Variants in TMEM67 observed in about 807,000 individuals in gnomAD.
TMEM67 encodes meckelin.
Under a neutral mutation model 136.6 loss-of-function variants are expected in TMEM67, and 124 were observed. That is an observed-to-expected ratio of 0.91 (90% CI 0.78 to 1.05). TMEM67 has a LOEUF of 1.05. Ranked by LOEUF, TMEM67 falls within the 50% of genes least tolerant of loss-of-function variation. The pLI is 0.00. For synonymous variants in TMEM67, 364 were observed against 390.5 expected (o/e 0.93, Z 0.80); for missense variants, 1,107 against 1,178.4 (o/e 0.94, Z 0.89).
Position 93,772,618 on chromosome 8 carries a change from A to G in TMEM67, c.681A>G (p.Ala227=), listed in dbSNP as rs1469429504. The change falls in exon 7 of 28, where the codon GCA becomes GCG. Residue 227 remains alanine (A), a synonymous_variant. Transcript: ENST00000453321. ...VGMSLTSEWF[A]KYLQSSAAAC... ...TGTCTTTAACTTCAGAATGGTTTGC[A>G]AAGTATTTGCAATCATCAGCAGCTG... The G allele has an allele frequency of 1.2e-6, 2 of 1,612,952 alleles. No homozygotes were observed. Among genetic ancestry groups the G allele is most frequent in the Admixed American group, 1.7e-5 (1 of 59,974 alleles).
At chr8:93,777,222 T>C (rs1813589155) in intron 7 of TMEM67, among the ~76,000 whole-genome samples, 2 of 152,172 alleles carry the variant, frequency 1.3e-5, no homozygotes, top group Admixed American at 1.3e-4. Context: ...TTTTATTGCG[T>C]CTATTTGATT....
intron 2 of TMEM67, chr8:93,757,125 AAATAAATT>A (rs980199212): frequency 7.2e-6 from 1 of 139,556 alleles, no homozygotes; most frequent in Non-Finnish European, 1.6e-5. Flanking sequence ...ATAAATAAAT[AAATAAATT>A]GTCCTGTATA....
intron 14 of TMEM67, among the ~76,000 whole-genome samples, chr8:93,789,086 G>A (rs1291317283): frequency 6.6e-6 from 1 of 152,182 alleles, no homozygotes; most frequent in Non-Finnish European, 1.5e-5. Context: ...TAGAGCATAA[G>A]CATTTCTTAC....
chr8:93,772,630 A>G lies in TMEM67; in HGVS notation c.693A>G (p.Gln231=), dbSNP rs1397766314. 2 of 1,612,676 alleles carry G rather than the reference A, an allele frequency of 1.2e-6. No homozygotes were observed. ...CAGAATGGTTTGCAAAGTATTTGCA[A>G]TCATCAGCAGCTGCATGTTGGGTAA... ...LTSEWFAKYL[Q]SSAAACWVYA... The change falls in exon 7 of 28, where the codon CAA becomes CAG. Residue 231 remains glutamine (Q), a synonymous_variant. Coordinates refer to ENST00000453321, the MANE Select transcript of TMEM67 (RefSeq NM_153704.6).
chr8:93,758,457 A>C (rs1370227709), intron 2 of TMEM67, 26 bp from the exon 3 acceptor site: 4 of 1,574,336 alleles, frequency 2.5e-6, no homozygotes, highest in Non-Finnish European at 3.5e-6. Context: ...AAAAAAGAGA[A>C]AAGCATTTTT....
intron 26 of TMEM67, among the ~76,000 whole-genome samples, chr8:93,810,221 G>A (rs530985515): frequency 1.8e-3 from 269 of 149,190 alleles, no homozygotes; most frequent in African/African-American, 6.0e-3. Context: ...CGCCCACCTC[G>A]GCCTCCCAAA....
rs1216327114 is a variant in TMEM67, at chr8:93,795,406, C to T, written c.1675-3C>T. 1.2e-6 allele frequency: 2 copies of T among 1,612,782 alleles called. No individual in the cohort carries two copies. Among genetic ancestry groups the T allele is most frequent in the Non-Finnish European group, 8.5e-7 (1 of 1,178,934 alleles). On this transcript the variant is annotated splice_region_variant and splice_polypyrimidine_tract_variant and intron_variant, in intron 16 of 27. Coordinates refer to ENST00000453321, the MANE Select transcript of TMEM67 (RefSeq NM_153704.6). ...AGCTGTAATTCTTTTTTTTAAATTG[C>T]AGACAGTTGTGAAATTCTTGGTGTA...
chr8:93,827,456 G>A, the TMEM67 span, among the ~76,000 whole-genome samples: 9 of 152,002 alleles, frequency 5.9e-5, no homozygotes, highest in Non-Finnish European at 1.2e-4. Context: ...ATCATAGCTC[G>A]CTGCAGCTGC....
intron 3 of TMEM67, among the ~76,000 whole-genome samples, chr8:93,760,423 T>C (rs536781587): frequency 1.7e-3 from 262 of 152,290 alleles, no homozygotes; most frequent in African/African-American, 6.1e-3. Flanking sequence ...TTAATGATGC[T>C]GGGAAAACTG....
At chr8:93,807,612 A>T (rs941368646) in intron 23 of TMEM67, among the ~76,000 whole-genome samples, 17 of 152,046 alleles carry the variant, frequency 1.1e-4, no homozygotes, top group Admixed American at 7.2e-4. Flanking sequence ...TTTAGGTAAT[A>T]TTTTTATTTT....
intron 2 of TMEM67, 58 bp downstream of exon 2, chr8:93,755,924 T>C (rs1313188753): frequency 4.3e-6 from 4 of 936,542 alleles, no homozygotes; most frequent in African/African-American, 3.3e-5. Flanking sequence ...TTAAATATCT[T>C]TATTTTTCAA....
intron 26 of TMEM67, among the ~76,000 whole-genome samples, chr8:93,814,652 C>CTT (rs1298820889): frequency 0.019 from 2,631 of 138,556 alleles, 84 homozygotes; most frequent in African/African-American, 0.066. Context: ...TTCTTTCTTT[C>CTT]TTTTTTTTTT....
At chr8:93,756,551 A>G (rs1227271002) in intron 2 of TMEM67, 1 of 152,312 alleles carries the variant, frequency 6.6e-6, no homozygotes, top group East Asian at 1.9e-4. Context: ...TGAAGTTATC[A>G]ATTGTCCCAA....
intron 19 of TMEM67, 28 bp downstream of exon 19, chr8:93,797,261 A>G: frequency 1.2e-6 from 2 of 1,612,498 alleles, no homozygotes; most frequent in South Asian, 1.1e-5. Flanking sequence ...TATTTGTACC[A>G]AAATTCTTTT....
rs1446472963 is a variant in TMEM67, at chr8:93,804,702, T to C, written c.2323-60T>C. 3.1e-6 allele frequency: 3 copies of C among 959,168 alleles called. No homozygotes were observed. In the Admixed American group the frequency reaches 5.8e-5, roughly 19 times the overall value. The allele number at this position is 959,168 out of a possible 1,614,324, so 59.4% of individuals were successfully genotyped here. Reference sequence around the variant, plus strand: ...AAAGAAAGCAATTTTAAGGAAAACTTAATTTTTTATTGTTTTGCAGATGAG... The same window carrying C: ...AAAGAAAGCAATTTTAAGGAAAACTCAATTTTTTATTGTTTTGCAGATGAG... On this transcript the variant is annotated intron_variant, in intron 22 of 27. Transcript: ENST00000453321.
chr8:93,791,725 C>G (rs1437251362), intron 15 of TMEM67, among the ~76,000 whole-genome samples: 1 of 151,062 alleles, frequency 6.6e-6, no homozygotes, highest in African/African-American at 2.5e-5. Context: ...TTCCCATGAT[C>G]AAATTGAGTT....
intron 11 of TMEM67, among the ~76,000 whole-genome samples, chr8:93,783,452 G>T (rs925606854): frequency 2.0e-5 from 3 of 151,796 alleles, no homozygotes; most frequent in Admixed American, 6.6e-5. Context: ...TCTTCTACCC[G>T]CTCATAACAA....
At position 93,805,502 on chromosome 8, in the gene TMEM67, A is replaced by T. The variant is rs914019174; in HGVS notation, c.2439+624A>T. Among the ~76,000 whole-genome samples the T allele has an allele frequency of 1.2e-4, 18 of 150,942 alleles. No homozygotes were observed. The East Asian group carries it at 3.6e-3, about 30-fold the overall frequency. On this transcript the variant is annotated intron_variant, in intron 23 of 27. Transcript: ENST00000453321. ...GGGAGGCTGAGGCAGAATGGCATGA[A>T]CCTGGGAGGTGGAGCTTGCAGTGAG...
At chr8:93,804,110 A>T (rs964080663) in intron 22 of TMEM67, among the ~76,000 whole-genome samples, 8 of 151,194 alleles carry the variant, frequency 5.3e-5, no homozygotes, top group Non-Finnish European at 1.2e-4. Context: ...TGAACTCCTG[A>T]CCTCAGGTGA....
Sources: allele counts gnomAD v4.1 joint callset (sites outside exome capture counted in the v4.1 genomes callset), GRCh38; gene constraint gnomAD v4.1.1; transcripts MANE v1.5; gene names NCBI Gene and HGNC (gene_info 2026-07-23, HGNC 2026-07-21).